PRR16: variants seen among roughly 807,000 people sequenced by gnomAD.
PRR16 encodes proline rich 16, also known as protein Largen.
A neutral mutation model predicts 18.2 loss-of-function variants in PRR16; 6 were observed. That is an observed-to-expected ratio of 0.33 (90% confidence interval 0.18 to 0.65). The LOEUF is 0.65. Ranked by LOEUF, PRR16 falls within the 30% of genes least tolerant of loss-of-function variation. The pLI, the probability that PRR16 is intolerant of heterozygous loss-of-function variation, is 0.74. For missense variants in PRR16, 412 were observed against 376.6 expected (o/e 1.09, Z -0.78); for synonymous variants, 151 against 147.8 (o/e 1.02, Z -0.16).
chr5:120,757,440 T>A, the PRR16 span, among the ~76,000 whole-genome samples: 4 of 152,150 alleles, frequency 2.6e-5, no homozygotes, highest in East Asian at 7.7e-4. Flanking sequence ...GATTCTTCCA[T>A]TCCATGAGTA....
intron 1 of PRR16, among the ~76,000 whole-genome samples, chr5:120,563,052 T>C (rs925690455): frequency 2.6e-5 from 4 of 152,218 alleles, no homozygotes; most frequent in Non-Finnish European, 5.9e-5. Context: ...TCATTTCTTA[T>C]AGGACAGGTG....
chr5:120,691,816 C>T (rs1215954210), downstream of PRR16, among the ~76,000 whole-genome samples: 2 of 152,206 alleles, frequency 1.3e-5, no homozygotes, highest in Non-Finnish European at 2.9e-5. Context: ...GGTCAGGGTT[C>T]ATGGCATCAA....
chr5:120,509,084 T>G (rs958379093), intron 1 of PRR16, among the ~76,000 whole-genome samples: 2 of 152,164 alleles, frequency 1.3e-5, no homozygotes, highest in Non-Finnish European at 2.9e-5. Flanking sequence ...TGTCTTATGT[T>G]TATGTTGCCT....
chr5:120,489,996 T>C (rs1474893444), intron 1 of PRR16, among the ~76,000 whole-genome samples: 1 of 152,204 alleles, frequency 6.6e-6, no homozygotes, highest in African/African-American at 2.4e-5. Flanking sequence ...CTCTTCTGGC[T>C]TGTAGAGTTT....
chr5:120,718,902 T>C, the PRR16 span, among the ~76,000 whole-genome samples: 2 of 151,998 alleles, frequency 1.3e-5, no homozygotes, highest in East Asian at 1.9e-4. Context: ...ATACCACTAA[T>C]AGAAGTGTAT....
chr5:120,670,155 C>A (rs184889213), intron 1 of PRR16, among the ~76,000 whole-genome samples: 1 of 152,106 alleles, frequency 6.6e-6, no homozygotes, highest in African/African-American at 2.4e-5. Flanking sequence ...TGTTCATTGC[C>A]TTAACATTTT....
intron 1 of PRR16, among the ~76,000 whole-genome samples, chr5:120,661,046 T>G (rs1756156659): frequency 6.6e-6 from 1 of 152,136 alleles, no homozygotes; most frequent in South Asian, 2.1e-4. Flanking sequence ...TTTAAAGTAG[T>G]CCAAGATAGC....
the PRR16 span, among the ~76,000 whole-genome samples, chr5:120,713,473 A>C: frequency 1.3e-5 from 2 of 152,182 alleles, no homozygotes; most frequent in Non-Finnish European, 2.9e-5. Context: ...TGTTTTCTTG[A>C]TCTTTATAGT....
chr5:120,694,002 C>G, the PRR16 span, among the ~76,000 whole-genome samples: 1 of 152,202 alleles, frequency 6.6e-6, no homozygotes, highest in Non-Finnish European at 1.5e-5. Flanking sequence ...TCTATTACCA[C>G]CCAGTTTCCT....
the PRR16 span, among the ~76,000 whole-genome samples, chr5:120,702,305 T>G: frequency 6.6e-6 from 1 of 150,742 alleles, no homozygotes. Flanking sequence ...GGCGCCGAGA[T>G]AAGAGGTCGG....
At chr5:120,704,945 T>C in the PRR16 span, among the ~76,000 whole-genome samples, 1 of 152,134 alleles carries the variant, frequency 6.6e-6, no homozygotes, top group South Asian at 2.1e-4. Context: ...GTTTTTTTAA[T>C]TTAATGCAGT....
chr5:120,489,080 T>C (rs1382000411), intron 1 of PRR16, among the ~76,000 whole-genome samples: 4 of 152,222 alleles, frequency 2.6e-5, no homozygotes, highest in Non-Finnish European at 5.9e-5. Flanking sequence ...AAGTATGTGG[T>C]CAATTTTGGA....
At chr5:120,487,253 A>C (rs1208677468) in intron 1 of PRR16, among the ~76,000 whole-genome samples, 1 of 152,126 alleles carries the variant, frequency 6.6e-6, no homozygotes, top group Admixed American at 6.6e-5. Flanking sequence ...GGCCATTTTG[A>C]CGATATTGAT....
At chr5:120,661,875 C>A (rs1756184939) in intron 1 of PRR16, among the ~76,000 whole-genome samples, 1 of 152,116 alleles carries the variant, frequency 6.6e-6, no homozygotes, top group Non-Finnish European at 1.5e-5. Context: ...AATTTTCTGT[C>A]TGAGGAACCA....
At chr5:120,775,003 T>C in the PRR16 span, among the ~76,000 whole-genome samples, 41,244 of 152,038 alleles carry the variant, frequency 0.27, 5,955 homozygotes, top group Non-Finnish European at 0.32. Context: ...GCTTCTCTTT[T>C]AGGCATTGTT....
At chr5:120,537,394 C>G (rs1751752443) in intron 1 of PRR16, among the ~76,000 whole-genome samples, 1 of 152,124 alleles carries the variant, frequency 6.6e-6, no homozygotes, top group African/African-American at 2.4e-5. Context: ...GTTACATTTG[C>G]TTAATTTGCC....
chr5:120,565,419 C>T (rs1001537886), intron 1 of PRR16, among the ~76,000 whole-genome samples: 3 of 152,164 alleles, frequency 2.0e-5, no homozygotes, highest in African/African-American at 4.8e-5. Context: ...TTAGTCTCTA[C>T]GTCTGTAGAA....
At chr5:120,598,865 A>C (rs191265860) in intron 1 of PRR16, among the ~76,000 whole-genome samples, 229 of 152,026 alleles carry the variant, frequency 1.5e-3, no homozygotes, top group Non-Finnish European at 2.6e-3. Flanking sequence ...TTTGGCTTTA[A>C]AATCAATTTA....
intron 1 of PRR16, among the ~76,000 whole-genome samples, chr5:120,595,491 C>A (rs1328438898): frequency 6.6e-6 from 1 of 151,764 alleles, no homozygotes; most frequent in Non-Finnish European, 1.5e-5. Flanking sequence ...TGCTTGTACA[C>A]TGCTAGTGGC....
Sources: gnomAD v4.1 joint callset for allele counts (sites outside exome capture counted in the v4.1 genomes callset) on GRCh38, gnomAD v4.1.1 for gene constraint, MANE v1.5 for transcripts, NCBI Gene and HGNC (gene_info 2026-07-23, HGNC 2026-07-21) for gene names.